Variants in MCC observed in about 807,000 individuals in gnomAD.
MCC encodes the protein colorectal mutant cancer protein.
A neutral mutation model predicts 116.2 loss-of-function variants in MCC; 90 were observed. The observed-to-expected ratio is 0.77, with a 90% confidence interval of 0.65 to 0.92. The LOEUF (loss-of-function observed/expected upper bound fraction) is 0.92. MCC is among the 40% of genes least tolerant of loss of function. The pLI, the probability that MCC is intolerant of heterozygous loss-of-function variation, is 0.00. For synonymous variants in MCC, 578 were observed against 510.5 expected, an observed-to-expected ratio of 1.13 and a Z score of -1.78; for missense variants, 1,516 against 1,312.2, an observed-to-expected ratio of 1.16 and a Z score of -2.40.
intron 3 of MCC, among the ~76,000 whole-genome samples, chr5:113,208,719 A>C (rs1236315660): frequency 6.6e-6 from 1 of 152,222 alleles, no homozygotes; most frequent in Non-Finnish European, 1.5e-5. Flanking sequence ...TCAGCTAGCA[A>C]GAGTATCATG....
At chr5:113,312,853 G>A (rs1337977933) in intron 3 of MCC, among the ~76,000 whole-genome samples, 1 of 152,102 alleles carries the variant, frequency 6.6e-6, no homozygotes, top group Admixed American at 6.6e-5. Flanking sequence ...CATTTATTGA[G>A]AGGTTTCAGT....
chr5:113,295,386 CTCTG>C (rs1350035797), intron 3 of MCC, among the ~76,000 whole-genome samples: 1 of 151,790 alleles, frequency 6.6e-6, no homozygotes, highest in Non-Finnish European at 1.5e-5. Flanking sequence ...GTCAAACTCC[CTCTG>C]TCTGTCACTG....
At chr5:113,361,258 T>A (rs1407996879) in intron 2 of MCC, among the ~76,000 whole-genome samples, 2 of 149,674 alleles carry the variant, frequency 1.3e-5, no homozygotes, top group East Asian at 2.0e-4. Context: ...CATAAATCTT[T>A]AAAAAAAAAA....
At chr5:113,215,305 G>T (rs1763272481) in intron 3 of MCC, among the ~76,000 whole-genome samples, 1 of 152,202 alleles carries the variant, frequency 6.6e-6, no homozygotes, top group African/African-American at 2.4e-5. Context: ...AGGGAGATTA[G>T]AATGGAACCT....
At chr5:113,272,790 A>T (rs535228506) in intron 3 of MCC, among the ~76,000 whole-genome samples, 46 of 152,348 alleles carry the variant, frequency 3.0e-4, no homozygotes, top group South Asian at 2.5e-3. Flanking sequence ...CAAGGAAACG[A>T]ATTATGGGAC....
chr5:113,465,465 G>A (rs1297541573), intron 1 of MCC, among the ~76,000 whole-genome samples: 3 of 152,116 alleles, frequency 2.0e-5, no homozygotes, highest in Admixed American at 2.0e-4. Flanking sequence ...ACTGAGCTCA[G>A]TAGAGAGAGT....
intron 3 of MCC, among the ~76,000 whole-genome samples, chr5:113,287,008 AT>A (rs1446120149): frequency 6.7e-6 from 1 of 148,626 alleles, no homozygotes; most frequent in East Asian, 1.9e-4. Flanking sequence ...TGTAATCCAC[AT>A]TACTTGCTTT....
At chr5:113,189,324 T>C (rs1013022422) in intron 3 of MCC, among the ~76,000 whole-genome samples, 2 of 152,192 alleles carry the variant, frequency 1.3e-5, no homozygotes, top group Non-Finnish European at 2.9e-5. Context: ...CATAGTTTCA[T>C]AGGTCAGAAG....
intron 1 of MCC, among the ~76,000 whole-genome samples, chr5:113,459,646 A>G (rs950332762): frequency 5.9e-5 from 9 of 152,202 alleles, no homozygotes; most frequent in Non-Finnish European, 1.3e-4. Flanking sequence ...AAGGACCTAC[A>G]GGACCAGAAG....
intron 8 of MCC, among the ~76,000 whole-genome samples, chr5:113,087,607 G>GGTGAATTCAACCTCCC (rs1264515589): frequency 2.6e-5 from 4 of 151,846 alleles, no homozygotes; most frequent in African/African-American, 9.7e-5. Flanking sequence ...TGCAACCTCC[G>GGTGAATTCAACCTCCC]GTGAATTCAA....
intron 13 of MCC, among the ~76,000 whole-genome samples, chr5:113,065,763 G>A (rs926568721): frequency 6.6e-6 from 1 of 152,232 alleles, no homozygotes; most frequent in African/African-American, 2.4e-5. Context: ...ATGAGTTCCT[G>A]CTTTGCTGTG....
intron 3 of MCC, among the ~76,000 whole-genome samples, chr5:113,273,181 T>C (rs1765679717): frequency 6.6e-6 from 1 of 152,212 alleles, no homozygotes; most frequent in Non-Finnish European, 1.5e-5. Context: ...ACTTTTGGAA[T>C]AGAAAGACAA....
At chr5:113,239,306 T>G (rs1561478569) in intron 3 of MCC, among the ~76,000 whole-genome samples, 1 of 152,168 alleles carries the variant, frequency 6.6e-6, no homozygotes, top group Non-Finnish European at 1.5e-5. Flanking sequence ...CATGGAAACA[T>G]CCAGTATACT....
intron 1 of MCC, among the ~76,000 whole-genome samples, chr5:113,483,701 C>A (rs1772439007): frequency 6.6e-6 from 1 of 151,978 alleles, no homozygotes; most frequent in South Asian, 2.1e-4. Context: ...GGTATATACT[C>A]AAAGGAATAT....
intron 1 of MCC, among the ~76,000 whole-genome samples, chr5:113,429,940 G>T (rs906676165): frequency 6.6e-6 from 1 of 152,182 alleles, no homozygotes; most frequent in East Asian, 1.9e-4. Flanking sequence ...TCAAGGTCAC[G>T]TCTTTGTACA....
chr5:113,332,634 G>A (rs2150375347), intron 3 of MCC, among the ~76,000 whole-genome samples: 1 of 151,148 alleles, frequency 6.6e-6, no homozygotes, highest in South Asian at 2.1e-4. Flanking sequence ...AATAATGCTG[G>A]CATAGGACTG....
chr5:113,364,238 G>GAAAAAAAAAAAAAAAAAAAAAAAAA (rs60976854), intron 2 of MCC, among the ~76,000 whole-genome samples: 1 of 49,422 alleles, frequency 2.0e-5, no homozygotes, highest in Non-Finnish European at 3.6e-5. Context: ...CTCAAAAACA[G>GAAAAAAAAAAAAAAAAAAAAAAAAA]AAAAAAAAAA....
chr5:113,223,596 A>G (rs569521685), intron 3 of MCC, among the ~76,000 whole-genome samples: 2 of 152,306 alleles, frequency 1.3e-5, no homozygotes, highest in African/African-American at 4.8e-5. Context: ...AAAGGAAGAG[A>G]GGCTACTTGA....
At chr5:113,350,427 A>G (rs1469271521) in intron 2 of MCC, among the ~76,000 whole-genome samples, 1 of 152,164 alleles carries the variant, frequency 6.6e-6, no homozygotes, top group African/African-American at 2.4e-5. Context: ...AAAGGTGTCA[A>G]GAACATACAT....
Sources: gnomAD v4.1 joint callset for allele counts (sites outside exome capture counted in the v4.1 genomes callset) on GRCh38, gnomAD v4.1.1 for gene constraint, MANE v1.5 for transcripts, NCBI Gene and HGNC (gene_info 2026-07-23, HGNC 2026-07-21) for gene names.